The following SERINC1 variants were observed in gnomAD, a reference collection of about 807,000 sequenced individuals.
The protein encoded by SERINC1 is tumor differentially expressed protein 2.
SERINC1 carries 38 observed loss-of-function variants against 52.9 expected under a neutral mutation model. The ratio of observed to expected loss-of-function variants is 0.72; its 90% CI spans 0.55 to 0.94. The LOEUF (loss-of-function observed/expected upper bound fraction) is 0.94. Among genes scored for constraint, SERINC1 ranks in the 40% least tolerant of loss-of-function variants. The probability of loss-of-function intolerance (pLI) is 0.00; values close to 1 mark genes in which losing one functional copy is unlikely to be tolerated. For missense variants in SERINC1, 471 were observed against 533.9 expected, an observed-to-expected ratio of 0.88 and a Z score of 1.16; for synonymous variants, 198 against 183.1, an observed-to-expected ratio of 1.08 and a Z score of -0.66.
Position 122,460,827 on chromosome 6 carries a change from A to G in SERINC1, c.40-2146T>C, listed in dbSNP as rs190704969. On this transcript the variant is annotated intron_variant, in intron 1 of 9. Coordinates refer to ENST00000339697, the MANE Select transcript of SERINC1 (RefSeq NM_020755.4). ...GCATTGTAGTATTACTGTTAAGTAT[A>G]TATCACATGCTCAAGGAAGTAGAGG... Among the ~76,000 whole-genome samples, 14 of 152,332 alleles carry G rather than the reference A, an allele frequency of 9.2e-5. No homozygotes were observed. The East Asian group carries it at 9.6e-4, about 10-fold the overall frequency.
intron 3 of SERINC1, chr6:122,454,461 A>G (rs1431149242): frequency 4.5e-6 from 2 of 445,104 alleles, no homozygotes; most frequent in Non-Finnish European, 8.1e-6. Context: ...CATTACCATG[A>G]ACCCAAGCTT....
chr6:122,456,490 A>G lies in SERINC1; in HGVS notation c.362T>C (p.Val121Ala), dbSNP rs771814517. 4.4e-6 allele frequency: 7 copies of G among 1,578,772 alleles called. No individual in the cohort carries two copies. The highest frequency in any genetic ancestry group is 5.1e-6 in the Non-Finnish European group (6 of 1,166,378). Residue 121 changes from valine to alanine, a missense_variant, in exon 3 of 10, where the codon GTG (valine) becomes GCG (alanine). Val to Ala is a moderately conservative substitution (Grantham distance 64, BLOSUM62 0). Coordinates refer to ENST00000339697, the MANE Select transcript of SERINC1 (RefSeq NM_020755.4). ...TTATTTAAAAACTTACCCATTGTGC[A>G]CTGCAGCTCTAGGATCACTGCTACT... ...VKSSSDPRAA[V>A]HNGFWFFKFA...
chr6:122,451,976 G>A lies in SERINC1; in HGVS notation c.671C>T (p.Ala224Val). The A allele has an allele frequency of 6.3e-7, 1 of 1,599,252 alleles. No homozygotes were observed. The highest frequency in any genetic ancestry group is 1.1e-5 in the South Asian group (1 of 89,488). The change falls in exon 6 of 10, where the codon GCC (alanine) becomes GTC (valine). Residue 224 changes from alanine (A) to valine (V), a missense_variant. Ala to Val is a moderately conservative substitution (Grantham distance 64). Transcript: ENST00000339697. ...VLFFVYYTHP[A>V]SCSENKAFIS... ...GAACGCCTTGTTTTCTGAACAACTG[G>A]CTGGATGAGTGTAGTAGACAAAGAA...
rs75531416 is a variant in SERINC1 at position 122,463,238 on chromosome 6, T to C, written c.40-4557A>G. Among the ~76,000 whole-genome samples the C allele has an allele frequency of 7.2e-3, 1,103 of 152,266 alleles. 15 individuals carry two copies. Among genetic ancestry groups the C allele is most frequent in the East Asian group, 0.044 (229 of 5,180 alleles). ...TTTTTAACAGATGTTGCTGAAATAA[T>C]TGGATATTCATACATTTTTTAGAAA... On this transcript the variant is annotated intron_variant, in intron 1 of 9. Transcript: ENST00000339697.
chr6:122,458,975 A>C (rs774317944), intron 1 of SERINC1, among the ~76,000 whole-genome samples: 31 of 152,202 alleles, frequency 2.0e-4, no homozygotes, highest in Non-Finnish European at 3.5e-4. Context: ...CAAAGTTTAA[A>C]GAGGAAAAGA....
intron 1 of SERINC1, among the ~76,000 whole-genome samples, chr6:122,470,733 G>C (rs1775275067): frequency 6.6e-6 from 1 of 152,000 alleles, no homozygotes; most frequent in Admixed American, 6.6e-5. Context: ...AATCATTTGG[G>C]AAGTCAGAAA....
At chr6:122,461,452 G>A (rs976168423) in intron 1 of SERINC1, among the ~76,000 whole-genome samples, 7 of 143,386 alleles carry the variant, frequency 4.9e-5, no homozygotes, top group Non-Finnish European at 7.5e-5. Context: ...GGTGTGAATT[G>A]AACAGTGAGA....
intron 7 of SERINC1, 56 bp from the exon 8 acceptor site, chr6:122,447,321 A>G (rs1774823710): frequency 1.4e-6 from 2 of 1,393,292 alleles, no homozygotes; most frequent in Non-Finnish European, 2.0e-6. Flanking sequence ...TGTTTTTCAG[A>G]GCAAACAAAA....
chr6:122,471,721 C>T lies in SERINC1; in HGVS notation c.17G>A (p.Gly6Glu). ...TACCCAGCTCGCCATGGAGCACAGC[C>T]CCAGGACGCTCCCCATCTCCACAAC... MGSVL[G>E]LCSMASWIPC... is the part of the protein sequence containing the mutation. The change falls in exon 1 of 10, where the codon GGG becomes GAG. Residue 6 changes from glycine (G) to glutamate (E), a missense_variant. By Grantham distance (98) the Gly-to-Glu change is moderately conservative (BLOSUM62 -2). Coordinates refer to ENST00000339697, the MANE Select transcript of SERINC1 (RefSeq NM_020755.4). 1 of 1,614,200 alleles carries T rather than the reference C, an allele frequency of 6.2e-7. No homozygotes were observed. Among genetic ancestry groups the T allele is most frequent in the Non-Finnish European group, 8.5e-7 (1 of 1,180,010 alleles).
chr6:122,461,642 A>G (rs1487008127), intron 1 of SERINC1, among the ~76,000 whole-genome samples: 1 of 150,806 alleles, frequency 6.6e-6, no homozygotes, highest in East Asian at 2.0e-4. Flanking sequence ...CATGTACCCT[A>G]AAACTTAAAG....
At chr6:122,462,952 A>G (rs921305824) in intron 1 of SERINC1, among the ~76,000 whole-genome samples, 2 of 152,206 alleles carry the variant, frequency 1.3e-5, no homozygotes, top group Non-Finnish European at 2.9e-5. Flanking sequence ...TCCCAACATC[A>G]GATTTACAGA....
At chr6:122,468,082 A>T (rs1350640135) in intron 1 of SERINC1, among the ~76,000 whole-genome samples, 1 of 152,216 alleles carries the variant, frequency 6.6e-6, no homozygotes, top group African/African-American at 2.4e-5. Context: ...CAGAATTATG[A>T]ATTAAAAAAT....
In SERINC1 at chr6:122,451,313, A is replaced by G. The variant is rs1409169249; in HGVS notation, c.850+351T>C. ...AAAGTACTTTCAAATTAAGGAATGT[A>G]CATTGTTTTTCTAGACATAATGCTA... is the stretch of plus-strand genomic sequence containing the variant. On this transcript the variant is annotated intron_variant, in intron 7 of 9. Transcript: ENST00000339697. Among the ~76,000 whole-genome samples the G allele has an allele frequency of 2.6e-5, 4 of 152,180 alleles. No individual in the cohort carries two copies. In the South Asian group the frequency reaches 8.3e-4, roughly 31 times the overall value.
At chr6:122,451,776 A>AAAAAAAAATATATATATATAT in intron 6 of SERINC1, 22 bp from the exon 7 acceptor site, 4 of 113,060 alleles carry the variant, frequency 3.5e-5, no homozygotes, top group African/African-American at 1.5e-4. Context: ...AAAAAAAAAA[A>AAAAAAAAATATATATATATAT]ATATATATAT....
rs1775040585 is a variant in SERINC1, at chr6:122,458,517, A to C, written c.201+3T>G. On this transcript the variant is annotated splice_donor_region_variant and intron_variant, in intron 2 of 9. Coordinates refer to ENST00000339697, the MANE Select transcript of SERINC1 (RefSeq NM_020755.4). Reference sequence around the variant, plus strand: ...TAATCAATAAATAAGAAACGAGACTAACCTTATTCAGTTGTTCTTCCATTC... The same window carrying C: ...TAATCAATAAATAAGAAACGAGACTCACCTTATTCAGTTGTTCTTCCATTC... 6.2e-7 allele frequency: 1 copy of C among 1,607,872 alleles called. No homozygotes were observed. The highest frequency in any genetic ancestry group is 1.7e-5 in the Admixed American group (1 of 59,804).
rs550792925 is a variant in SERINC1, at chr6:122,456,706, A to T, written c.202-56T>A. On this transcript the variant is annotated intron_variant, in intron 2 of 9. Coordinates refer to ENST00000339697, the MANE Select transcript of SERINC1 (RefSeq NM_020755.4). ...ATTTTTTTTCATTAAGTAAAAATAA[A>T]AATTACATGTAATCAAATAGTTTAA... 1.0e-5 allele frequency: 13 copies of T among 1,299,246 alleles called. No homozygotes were observed. The East Asian group carries it at 3.3e-4, about 33-fold the overall frequency. 80.5% of individuals were successfully genotyped at this position (1,299,246 alleles called of 1,614,324 possible). A position where few individuals can be genotyped will look rare whatever the true frequency, so the allele number is the denominator to read the frequency against.
At chr6:122,448,487 G>A (rs1363353062) in intron 7 of SERINC1, among the ~76,000 whole-genome samples, 2 of 151,652 alleles carry the variant, frequency 1.3e-5, no homozygotes, top group African/African-American at 4.8e-5. Flanking sequence ...AATAATTTTT[G>A]TCTATTCTAA....
Position 122,447,150 on chromosome 6 carries a change from A to T in SERINC1, c.966T>A (p.Ile322=). ...AATAAAATACACACAACAAAAAGAGAATTAGTCCTATAATTCCTTGAGCAT... is the reference window on the plus strand; with the variant it reads ...AATAAAATACACACAACAAAAAGAGTATTAGTCCTATAATTCCTTGAGCAT... ...WWHAQGIIGL[I]LFLLCVFYSS... Residue 322 remains isoleucine (I), a synonymous_variant, in exon 8 of 10, where the codon ATT becomes ATA. Transcript: ENST00000339697. 6.2e-7 allele frequency: 1 copy of T among 1,613,410 alleles called. No homozygotes were observed. Among genetic ancestry groups the T allele is most frequent in the Non-Finnish European group, 8.5e-7 (1 of 1,179,444 alleles).
intron 7 of SERINC1, among the ~76,000 whole-genome samples, chr6:122,449,622 GA>G (rs1217299961): frequency 6.6e-6 from 1 of 152,206 alleles, no homozygotes; most frequent in Non-Finnish European, 1.5e-5. Flanking sequence ...TTTAATGAAA[GA>G]AACTGTCTCC....
Sources: allele counts gnomAD v4.1 joint callset (sites outside exome capture counted in the v4.1 genomes callset), GRCh38; gene constraint gnomAD v4.1.1; transcripts MANE v1.5; gene names NCBI Gene and HGNC (gene_info 2026-07-23, HGNC 2026-07-21).